The following ADAM12 variants were observed in gnomAD, a reference collection of about 807,000 sequenced individuals.
The protein encoded by ADAM12 is ADAM metallopeptidase domain 12.
In ADAM12, 70 loss-of-function variants were observed where a neutral mutation model predicts 106.4. The observed-to-expected ratio is 0.66, with a 90% confidence interval of 0.54 to 0.80. The LOEUF (loss-of-function observed/expected upper bound fraction) is 0.80. ADAM12 is among the 30% of genes least tolerant of loss of function. The pLI, the probability that ADAM12 is intolerant of heterozygous loss-of-function variation, is 0.00. For synonymous variants in ADAM12, 420 were observed against 433.5 expected (o/e 0.97, Z 0.39); for missense variants, 1,010 against 1,171.9 (o/e 0.86, Z 2.02).
At chr10:126,310,857 T>C (rs757084900) in intron 2 of ADAM12, among the ~76,000 whole-genome samples, 10 of 152,012 alleles carry the variant, frequency 6.6e-5, no homozygotes, top group Non-Finnish European at 1.3e-4. Context: ...GACCAAAATA[T>C]GAAATTGTGC....
At chr10:126,110,574 A>T (rs186974547) in intron 6 of ADAM12, among the ~76,000 whole-genome samples, 7 of 152,306 alleles carry the variant, frequency 4.6e-5, no homozygotes, top group Non-Finnish European at 8.8e-5. Flanking sequence ...GGGATTTCGT[A>T]AGAGTGAGAC....
chr10:126,384,374 T>C (rs1856588493), intron 1 of ADAM12, among the ~76,000 whole-genome samples: 1 of 152,198 alleles, frequency 6.6e-6, no homozygotes, highest in Admixed American at 6.5e-5. Context: ...CTCAGGAAGT[T>C]ACTGGAAAAC....
chr10:126,263,462 C>T (rs746436906), intron 3 of ADAM12, among the ~76,000 whole-genome samples: 11 of 138,608 alleles, frequency 7.9e-5, no homozygotes, highest in Non-Finnish European at 1.6e-4. Context: ...CACACTAGAT[C>T]CTCTTTGCTG....
intron 14 of ADAM12, among the ~76,000 whole-genome samples, chr10:126,055,432 T>C (rs1044923773): frequency 6.6e-6 from 1 of 152,224 alleles, no homozygotes; most frequent in African/African-American, 2.4e-5. Flanking sequence ...TTTTAGATCA[T>C]CAGCAGGCCA....
At chr10:126,109,389 C>T (rs1181115375) in intron 7 of ADAM12, among the ~76,000 whole-genome samples, 1 of 152,160 alleles carries the variant, frequency 6.6e-6, no homozygotes, top group Non-Finnish European at 1.5e-5. Context: ...TTCATTCATA[C>T]CTTCATTTAT....
chr10:126,236,258 TG>T (rs1374957361), intron 3 of ADAM12, among the ~76,000 whole-genome samples: 2 of 152,124 alleles, frequency 1.3e-5, no homozygotes, highest in Non-Finnish European at 2.9e-5. Context: ...TCAACAGGCC[TG>T]GTGCCCTGGG....
intron 2 of ADAM12, among the ~76,000 whole-genome samples, chr10:126,290,509 G>A (rs2133777944): frequency 6.6e-6 from 1 of 152,248 alleles, no homozygotes; most frequent in Non-Finnish European, 1.5e-5. Context: ...AGGCTGTTTG[G>A]AAACCATCAT....
At chr10:126,302,335 G>T (rs1472743468) in intron 2 of ADAM12, among the ~76,000 whole-genome samples, 1 of 152,202 alleles carries the variant, frequency 6.6e-6, no homozygotes, top group Non-Finnish European at 1.5e-5. Flanking sequence ...TCCCAGATGT[G>T]CTTCTAATCT....
intron 3 of ADAM12, among the ~76,000 whole-genome samples, chr10:126,214,718 C>T (rs559609556): frequency 6.6e-6 from 1 of 152,184 alleles, no homozygotes; most frequent in Non-Finnish European, 1.5e-5. Flanking sequence ...TGAGAGCAAA[C>T]GTTTTTGAGA....
chr10:126,203,931 C>CGT (rs1314570631), intron 3 of ADAM12, among the ~76,000 whole-genome samples: 1 of 88,472 alleles, frequency 1.1e-5, no homozygotes, highest in South Asian at 3.3e-4. Context: ...AGTGAGTGCG[C>CGT]GCGCGCGCGT....
intron 3 of ADAM12, among the ~76,000 whole-genome samples, chr10:126,161,371 C>T (rs1956930746): frequency 6.6e-6 from 1 of 152,098 alleles, no homozygotes; most frequent in Non-Finnish European, 1.5e-5. Context: ...ATGACCTGCC[C>T]AAGGTCATGC....
At chr10:126,125,690 T>C (rs573993731) in intron 5 of ADAM12, among the ~76,000 whole-genome samples, 1 of 151,720 alleles carries the variant, frequency 6.6e-6, no homozygotes, top group Non-Finnish European at 1.5e-5. Flanking sequence ...AGAAAAGATA[T>C]GTTTAAGTCC....
intron 18 of ADAM12, chr10:126,041,785 C>G (rs778689040): frequency 6.4e-5 from 71 of 1,110,062 alleles, no homozygotes; most frequent in Non-Finnish European, 7.7e-5. Flanking sequence ...TCCCCCACTG[C>G]TGTGGAGGCT....
intron 5 of ADAM12, among the ~76,000 whole-genome samples, chr10:126,128,885 C>T (rs1443405345): frequency 2.5e-4 from 30 of 121,284 alleles, no homozygotes; most frequent in Middle Eastern, 0.012. Context: ...GTGTGGTGCG[C>T]GTGTGGGAAT....
chr10:126,094,831 G>C (rs949669702), intron 10 of ADAM12, among the ~76,000 whole-genome samples: 1 of 152,112 alleles, frequency 6.6e-6, no homozygotes, highest in Non-Finnish European at 1.5e-5. Flanking sequence ...CTTGCGGCTG[G>C]GGGTTCATTA....
At chr10:126,366,659 C>T (rs1855921908) in intron 1 of ADAM12, among the ~76,000 whole-genome samples, 1 of 151,978 alleles carries the variant, frequency 6.6e-6, no homozygotes, top group Non-Finnish European at 1.5e-5. Flanking sequence ...AAAGCTAATA[C>T]ACACTGTTTA....
At chr10:126,236,792 C>A (rs1342385008) in intron 3 of ADAM12, among the ~76,000 whole-genome samples, 4 of 152,118 alleles carry the variant, frequency 2.6e-5, no homozygotes, top group Non-Finnish European at 5.9e-5. Context: ...GGAAGGAGCC[C>A]ATGAAGGAAC....
chr10:126,240,790 C>T lies in ADAM12; in HGVS notation c.260+38125G>A, dbSNP rs186842856. Among the ~76,000 whole-genome samples, 34 of 152,360 alleles carry T rather than the reference C, an allele frequency of 2.2e-4. No individual in the cohort carries two copies. The East Asian group carries it at 3.9e-3, about 17-fold the overall frequency. On this transcript the variant is annotated intron_variant, in intron 3 of 22. Transcript: ENST00000448723. The stretch of plus-strand genomic sequence containing the variant: ...GATGCAGGCCGATAGCAGGGCACGC[C>T]GGCCTGGAAGGTCACAGTCAGGAGA...
intron 1 of ADAM12, among the ~76,000 whole-genome samples, chr10:126,378,805 G>A (rs982336790): frequency 6.6e-6 from 1 of 152,132 alleles, no homozygotes; most frequent in Non-Finnish European, 1.5e-5. Context: ...CTTTAAAATT[G>A]TCATATTTTA....
Sources: allele counts gnomAD v4.1 joint callset (sites outside exome capture counted in the v4.1 genomes callset), GRCh38; gene constraint gnomAD v4.1.1; transcripts MANE v1.5; gene names NCBI Gene and HGNC (gene_info 2026-07-23, HGNC 2026-07-21).